Variants in ZRANB3 observed in about 807,000 individuals in gnomAD.
ZRANB3 encodes the protein DNA annealing helicase and endonuclease ZRANB3.
Under a neutral mutation model 133.8 loss-of-function variants are expected in ZRANB3, and 125 were observed. The observed-to-expected ratio is 0.93, with a 90% CI of 0.81 to 1.08. The LOEUF is 1.08. Among genes scored for constraint, ZRANB3 ranks in the 50% least tolerant of loss-of-function variants. The probability of loss-of-function intolerance (pLI) is 0.00; values close to 1 mark genes in which losing one functional copy is unlikely to be tolerated. For missense variants in ZRANB3, 1,229 were observed against 1,275.5 expected (o/e 0.96, Z 0.56); for synonymous variants, 387 against 432.7 (o/e 0.89, Z 1.31).
rs561345821 is a variant in ZRANB3 at position 135,230,816 on chromosome 2, C to T, written c.1651G>A (p.Val551Ile). 2.4e-5 allele frequency: 38 copies of T among 1,613,540 alleles called. 1 individual carries two copies. In the South Asian group the frequency reaches 3.6e-4, roughly 15 times the overall value. ...GTTTTTGTAGGGTCTGATGACACTA[C>T]AGTATTTTCCTCCCGGAATCTCTTT... is the stretch of plus-strand genomic sequence containing the variant. The part of the protein sequence containing the change: ...ESKRFREENT[V>I]VSSDPTKTAA... The change falls in exon 13 of 21, where the codon GTA becomes ATA. Residue 551 changes from valine (V) to isoleucine (I), a missense_variant. Coordinates refer to ENST00000264159, the MANE Select transcript of ZRANB3 (RefSeq NM_032143.4).
intron 2 of ZRANB3, among the ~76,000 whole-genome samples, chr2:135,482,945 C>A (rs1464542461): frequency 1.3e-5 from 2 of 151,800 alleles, no homozygotes; most frequent in South Asian, 2.1e-4. Flanking sequence ...ATTGAACCAG[C>A]CTTGCATCCC....
intron 2 of ZRANB3, among the ~76,000 whole-genome samples, chr2:135,418,412 A>C (rs991426535): frequency 6.6e-6 from 1 of 152,216 alleles, no homozygotes; most frequent in African/African-American, 2.4e-5. Flanking sequence ...CTGGCCCAAG[A>C]ATAAGAATCA....
At chr2:135,313,413 T>G in intron 8 of ZRANB3, 76 bp downstream of exon 8, 2 of 935,586 alleles carry the variant, frequency 2.1e-6, no homozygotes. Flanking sequence ...TATAAATAAC[T>G]TGCTTAATTA....
At chr2:135,291,841 C>G (rs1012601012) in intron 8 of ZRANB3, among the ~76,000 whole-genome samples, 2 of 151,220 alleles carry the variant, frequency 1.3e-5, no homozygotes, top group African/African-American at 4.9e-5. Context: ...TGAGAACATG[C>G]GGTGTTTGGT....
At chr2:135,232,608 T>C (rs1695084889) in intron 12 of ZRANB3, among the ~76,000 whole-genome samples, 1 of 152,198 alleles carries the variant, frequency 6.6e-6, no homozygotes, top group African/African-American at 2.4e-5. Context: ...TCCAGAGGAA[T>C]GATCAGGCAG....
intron 2 of ZRANB3, among the ~76,000 whole-genome samples, chr2:135,423,725 T>C (rs1311339683): frequency 2.0e-5 from 3 of 152,184 alleles, no homozygotes; most frequent in African/African-American, 7.2e-5. Context: ...TTTTACAAAA[T>C]TTGAGGAAAA....
At chr2:135,236,592 T>C (rs1695295161) in intron 12 of ZRANB3, among the ~76,000 whole-genome samples, 1 of 152,066 alleles carries the variant, frequency 6.6e-6, no homozygotes, top group African/African-American at 2.4e-5. Context: ...AAAACAGAGA[T>C]ATAGACCAAT....
At chr2:135,274,771 G>A (rs974356707) in intron 9 of ZRANB3, among the ~76,000 whole-genome samples, 9 of 151,112 alleles carry the variant, frequency 6.0e-5, no homozygotes, top group East Asian at 3.9e-4. Flanking sequence ...AGGACCCTGC[G>A]GCCTTCCGCA....
chr2:135,291,677 G>C (rs1681743336), intron 8 of ZRANB3, among the ~76,000 whole-genome samples: 1 of 151,758 alleles, frequency 6.6e-6, no homozygotes, highest in African/African-American at 2.4e-5. Flanking sequence ...CATGTGCCAT[G>C]TTGGTGTGCT....
chr2:135,204,268 T>C (rs1010587076), intron 19 of ZRANB3, among the ~76,000 whole-genome samples: 1 of 152,184 alleles, frequency 6.6e-6, no homozygotes, highest in African/African-American at 2.4e-5. Flanking sequence ...GTTTTTGAGG[T>C]TGGCATTGTT....
chr2:135,327,183 T>G (rs1683877982), intron 6 of ZRANB3, among the ~76,000 whole-genome samples: 1 of 151,996 alleles, frequency 6.6e-6, no homozygotes, highest in East Asian at 1.9e-4. Context: ...AACTAAGAAA[T>G]AAAAGTCATG....
intron 6 of ZRANB3, among the ~76,000 whole-genome samples, chr2:135,342,871 A>T (rs1250450959): frequency 6.7e-6 from 1 of 148,802 alleles, no homozygotes; most frequent in Non-Finnish European, 1.5e-5. Context: ...ACTGTAATCA[A>T]GGGTAAATGT....
At chr2:135,262,551 G>A (rs1680014725) in intron 12 of ZRANB3, among the ~76,000 whole-genome samples, 1 of 152,120 alleles carries the variant, frequency 6.6e-6, no homozygotes. Context: ...GGAGGCAGAG[G>A]TGGGAGGATT....
intron 2 of ZRANB3, among the ~76,000 whole-genome samples, chr2:135,491,976 G>A (rs1441238804): frequency 3.9e-5 from 6 of 152,040 alleles, no homozygotes; most frequent in African/African-American, 1.2e-4. Context: ...AAAACAATAC[G>A]TAATAAAATA....
chr2:135,456,149 A>C (rs1690509686), intron 2 of ZRANB3, among the ~76,000 whole-genome samples: 1 of 152,202 alleles, frequency 6.6e-6, no homozygotes, highest in African/African-American at 2.4e-5. Context: ...GCTATATAGC[A>C]AATAGACTCC....
intron 8 of ZRANB3, among the ~76,000 whole-genome samples, chr2:135,286,021 T>C (rs1178361204): frequency 2.6e-5 from 4 of 152,250 alleles, no homozygotes; most frequent in Non-Finnish European, 5.9e-5. Flanking sequence ...TTTTGGTTCA[T>C]TCCTTTACTA....
At chr2:135,501,093 A>G (rs1015405931) in intron 2 of ZRANB3, among the ~76,000 whole-genome samples, 3 of 152,204 alleles carry the variant, frequency 2.0e-5, no homozygotes, top group Non-Finnish European at 4.4e-5. Context: ...CATACTGAAT[A>G]GAGTATAGTG....
chr2:135,202,978 C>A lies in ZRANB3; in HGVS notation c.3010-15G>T. The stretch of plus-strand genomic sequence containing the variant: ...ATTTCATTTAGCTGCAATAAGAATA[C>A]AAGATCAGCAATTTTCAACATATAC... On this transcript the variant is annotated splice_polypyrimidine_tract_variant and intron_variant, in intron 19 of 20. Coordinates refer to ENST00000264159, the MANE Select transcript of ZRANB3 (RefSeq NM_032143.4). The A allele has an allele frequency of 1.2e-6, 2 of 1,608,812 alleles. No homozygotes were observed. The highest frequency in any genetic ancestry group is 1.7e-5 in the Admixed American group (1 of 59,456).
intron 8 of ZRANB3, among the ~76,000 whole-genome samples, chr2:135,300,665 C>G (rs1682383183): frequency 6.6e-6 from 1 of 152,144 alleles, no homozygotes; most frequent in African/African-American, 2.4e-5. Context: ...CACATTCAGT[C>G]AATCACCAAT....
Sources: allele counts gnomAD v4.1 joint callset (sites outside exome capture counted in the v4.1 genomes callset), GRCh38; gene constraint gnomAD v4.1.1; transcripts MANE v1.5; gene names NCBI Gene and HGNC (gene_info 2026-07-23, HGNC 2026-07-21).